The following NUFIP2 variants were observed in gnomAD, a reference collection of about 807,000 sequenced individuals.
The protein encoded by NUFIP2 is nuclear FMR1 interacting protein 2, also known as FMR1-interacting protein NUFIP2.
Under a neutral mutation model 56.9 loss-of-function variants are expected in NUFIP2, and 6 were observed. The ratio of observed to expected loss-of-function variants is 0.11; its 90% CI spans 0.06 to 0.21. The LOEUF (loss-of-function observed/expected upper bound fraction) is 0.21, where lower values mean the gene tolerates loss of function less well. NUFIP2 is among the 10% of genes least tolerant of loss of function. NUFIP2 has a pLI of 1.00. For synonymous variants in NUFIP2, 321 were observed against 298.2 expected, an observed-to-expected ratio of 1.08 and a Z score of -0.79; for missense variants, 828 against 826.8, an observed-to-expected ratio of 1.00 and a Z score of -0.02.
rs983210491 is a variant in NUFIP2, at chr17:29,258,731, A to G, written c.*5808T>C. ...TTGATTCCCTCCCAAAAAGAATTTT[A>G]TAATTCATTCACTCTTGTTAGTGGC... On this transcript the variant is annotated 3_prime_UTR_variant, in exon 4 of 4. Coordinates refer to ENST00000225388, the MANE Select transcript of NUFIP2 (RefSeq NM_020772.3). The G allele has an allele frequency of 6.6e-6, 1 of 152,254 alleles. No homozygotes were observed. 9.4% of individuals were successfully genotyped at this position (152,254 alleles called of 1,614,324 possible).
chr17:29,273,497 TAC>T lies in NUFIP2; in HGVS notation c.2003-5969_2003-5968del, dbSNP rs61077728. Among the ~76,000 whole-genome samples the T allele has an allele frequency of 7.6e-3, 1,130 of 148,422 alleles. 1 individual carries two copies. The highest frequency in any genetic ancestry group is 0.01 in the Non-Finnish European group (696 of 66,542). The stretch of plus-strand genomic sequence containing the variant: ...TTGATCTTTTAACACTGCTCTCTTC[TAC>T]ACACACACACACACACACACACACA... On this transcript the variant is annotated intron_variant, in intron 2 of 3. Transcript: ENST00000225388.
rs886152329 is a variant in NUFIP2, at chr17:29,283,194, T to C, written c.2002+2798A>G. Among the ~76,000 whole-genome samples the C allele has an allele frequency of 1.5e-4, 23 of 152,334 alleles. 1 individual carries two copies. The highest frequency in any genetic ancestry group is 5.3e-4 in the African/African-American group (22 of 41,580). On this transcript the variant is annotated intron_variant, in intron 2 of 3. Transcript: ENST00000225388. The stretch of plus-strand genomic sequence containing the variant: ...GCTTATATAAATACCACTGATTTCA[T>C]ATTCAGCTAGCCCATGGATAGGGAA...
intron 2 of NUFIP2, among the ~76,000 whole-genome samples, chr17:29,281,301 GAC>G (rs2069138083): frequency 6.6e-6 from 1 of 151,810 alleles, no homozygotes; most frequent in Non-Finnish European, 1.5e-5. Flanking sequence ...CAGCCAGGGC[GAC>G]AGTGTGAGAC....
Position 29,258,821 on chromosome 17 carries a change from T to G in NUFIP2, c.*5718A>C, listed in dbSNP as rs1367015765. ...GTATGGTATATAGTAATGTAAAAAG[T>G]GCATCACATTCTTGATTTTCAGTTT... On this transcript the variant is annotated 3_prime_UTR_variant, in exon 4 of 4. Transcript: ENST00000225388. 1 of 152,180 alleles carries G rather than the reference T, an allele frequency of 6.6e-6. No individual in the cohort carries two copies. The highest frequency in any genetic ancestry group is 1.5e-5 in the Non-Finnish European group (1 of 68,030). 9.4% of individuals were successfully genotyped at this position (152,180 alleles called of 1,614,324 possible). A position where few individuals can be genotyped will look rare whatever the true frequency, so the allele number is the denominator to read the frequency against.
chr17:29,286,197 A>G lies in NUFIP2; in HGVS notation c.1797T>C (p.Gly599=), dbSNP rs746428733. The change falls in exon 2 of 4, where the codon GGT becomes GGC. Residue 599 remains glycine, a synonymous_variant. Transcript: ENST00000225388. ...GALSLEPSHI[G]DLQKADTSSQ... ...TACTGGTGTCTGCTTTCTGCAGGTC[A>G]CCTATATGACTGGGTTCCAAGGATA... 7 of 1,613,998 alleles carry G rather than the reference A, an allele frequency of 4.3e-6. No homozygotes were observed. The highest frequency in any genetic ancestry group is 5.9e-6 in the Non-Finnish European group (7 of 1,179,912).
intron 2 of NUFIP2, among the ~76,000 whole-genome samples, chr17:29,272,841 T>TTC (rs1323845455): frequency 7.7e-6 from 1 of 129,932 alleles, no homozygotes; most frequent in African/African-American, 2.9e-5. Flanking sequence ...TAACTGATTC[T>TTC]TTTTTTTTTT....
At position 29,292,102 on chromosome 17, in the gene NUFIP2, TTC is replaced by T. The variant is rs371947574; in HGVS notation, c.277+1679_277+1680del. Among the ~76,000 whole-genome samples the T allele has an allele frequency of 2.8e-4, 43 of 152,232 alleles. No individual in the cohort carries two copies. The East Asian group carries it at 7.1e-3, about 25-fold the overall frequency. On this transcript the variant is annotated intron_variant, in intron 1 of 3. Transcript: ENST00000225388. ...TTAAACTCACTTCTCGTGAAATACT[TTC>T]TTACATGACTTTTACCCTCAATTTC...
Position 29,256,223 on chromosome 17 carries a change from C to T in NUFIP2, c.*8316G>A, listed in dbSNP as rs375829155. 10 of 152,190 alleles carry T rather than the reference C, an allele frequency of 6.6e-5. No homozygotes were observed. Among genetic ancestry groups the T allele is most frequent in the Non-Finnish European group, 1.2e-4 (8 of 68,028 alleles). The allele number at this position is 152,190 out of a possible 1,614,324, so 9.4% of individuals were successfully genotyped here. On this transcript the variant is annotated 3_prime_UTR_variant, in exon 4 of 4. Transcript: ENST00000225388. ...CTGTACTCCACTTATTATCCATTCCCCCAGATTAAGAGGTAACTCAGCTCC... is the reference window on the plus strand; with the variant it reads ...CTGTACTCCACTTATTATCCATTCCTCCAGATTAAGAGGTAACTCAGCTCC...
At chr17:29,282,615 G>A (rs2069147325) in intron 2 of NUFIP2, among the ~76,000 whole-genome samples, 2 of 151,180 alleles carry the variant, frequency 1.3e-5, no homozygotes, top group East Asian at 1.9e-4. Context: ...AATAAATAGT[G>A]CACCATTCTT....
rs2068974706 is a variant in NUFIP2 at position 29,256,944 on chromosome 17, A to G, written c.*7595T>C. 1.3e-5 allele frequency: 2 copies of G among 152,374 alleles called. No homozygotes were observed. The highest frequency in any genetic ancestry group is 1.3e-4 in the Admixed American group (2 of 15,306). 9.4% of individuals were successfully genotyped at this position (152,374 alleles called of 1,614,324 possible). On this transcript the variant is annotated 3_prime_UTR_variant, in exon 4 of 4. Transcript: ENST00000225388. ...CAGTAAACCAAATTTATGCTAAAGC[A>G]ATAAAGGTAAAAGCCTATCCTACCT...
At chr17:29,275,635 A>G (rs1246286698) in intron 2 of NUFIP2, among the ~76,000 whole-genome samples, 1 of 152,162 alleles carries the variant, frequency 6.6e-6, no homozygotes, top group African/African-American at 2.4e-5. Context: ...TATCTTTTCA[A>G]CATTTATGCA....
chr17:29,272,301 C>T (rs1377901378), intron 2 of NUFIP2, among the ~76,000 whole-genome samples: 23 of 146,102 alleles, frequency 1.6e-4, no homozygotes, highest in African/African-American at 1.5e-4. Flanking sequence ...AGTGCAGTGG[C>T]GCTATCTCGG....
At chr17:29,285,855 C>T (rs1598435126) in intron 2 of NUFIP2, 137 bp downstream of exon 2, 2 of 644,390 alleles carry the variant, frequency 3.1e-6, no homozygotes, top group Non-Finnish European at 5.2e-6. Context: ...ATTAGTTTGA[C>T]ACCAGCTGCT....
At chr17:29,292,812 C>T (rs1208852389) in intron 1 of NUFIP2, among the ~76,000 whole-genome samples, 3 of 149,114 alleles carry the variant, frequency 2.0e-5, no homozygotes, top group East Asian at 2.0e-4. Flanking sequence ...CCAACCGCCC[C>T]CGCCCCTCAC....
chr17:29,260,316 A>G lies in NUFIP2; in HGVS notation c.*4223T>C, dbSNP rs2068995164. 6.6e-6 allele frequency: 1 copy of G among 152,196 alleles called. No individual in the cohort carries two copies. Among genetic ancestry groups the G allele is most frequent in the South Asian group, 2.1e-4 (1 of 4,824 alleles). The allele number at this position is 152,196 out of a possible 1,614,324, so 9.4% of individuals were successfully genotyped here. A position where few individuals can be genotyped will look rare whatever the true frequency, so the allele number is the denominator to read the frequency against. Reference sequence around the variant, plus strand: ...TGGTGTGGCATCAACCAATCTGACCATAATGACCATTATATTTGTCCCATA... The same window carrying G: ...TGGTGTGGCATCAACCAATCTGACCGTAATGACCATTATATTTGTCCCATA... On this transcript the variant is annotated 3_prime_UTR_variant, in exon 4 of 4. Transcript: ENST00000225388.
Position 29,263,907 on chromosome 17 carries a change from T to C in NUFIP2, c.*632A>G, listed in dbSNP as rs1473601799. ...AAAATAAATGGAAAGAAATAAAGTA[T>C]TTCCCCAACACCCCAGAGGCCGCTT... On this transcript the variant is annotated 3_prime_UTR_variant, in exon 4 of 4. Transcript: ENST00000225388. 1.3e-5 allele frequency: 2 copies of C among 152,554 alleles called. No individual in the cohort carries two copies. The highest frequency in any genetic ancestry group is 2.4e-5 in the African/African-American group (1 of 41,408). The allele number at this position is 152,554 out of a possible 1,614,324, so 9.5% of individuals were successfully genotyped here. A position where few individuals can be genotyped will look rare whatever the true frequency, so the allele number is the denominator to read the frequency against.
In NUFIP2 at chr17:29,286,245, C is replaced by T; in HGVS notation, c.1749G>A (p.Gly583=). ...PQVLGSILKS[G]TTSESGALSL... is the part of the protein sequence containing the mutation. ...ATAAGGCTCCACTCTCACTAGTAGT[C>T]CCAGATTTTAGAATGCTACCCAGAA... The change falls in exon 2 of 4, where the codon GGG becomes GGA. Residue 583 remains glycine (G), a synonymous_variant. Coordinates refer to ENST00000225388, the MANE Select transcript of NUFIP2 (RefSeq NM_020772.3). 6.2e-7 allele frequency: 1 copy of T among 1,614,146 alleles called. No homozygotes were observed. The highest frequency in any genetic ancestry group is 8.5e-7 in the Non-Finnish European group (1 of 1,180,044).
At chr17:29,292,459 T>C (rs2069220684) in intron 1 of NUFIP2, among the ~76,000 whole-genome samples, 1 of 149,392 alleles carries the variant, frequency 6.7e-6, no homozygotes, top group African/African-American at 2.5e-5. Context: ...AAGGCCCAAG[T>C]GAAAGCCTCA....
intron 1 of NUFIP2, among the ~76,000 whole-genome samples, chr17:29,292,934 G>A (rs562113912): frequency 2.2e-3 from 327 of 147,318 alleles, no homozygotes; most frequent in African/African-American, 7.8e-3. Flanking sequence ...GCAGTGCAGG[G>A]GGCGAGGCTG....
Sources: gnomAD v4.1 joint callset for allele counts (sites outside exome capture counted in the v4.1 genomes callset) on GRCh38, gnomAD v4.1.1 for gene constraint, MANE v1.5 for transcripts, NCBI Gene and HGNC (gene_info 2026-07-23, HGNC 2026-07-21) for gene names.